TIAM1: variants seen among roughly 807,000 people sequenced by gnomAD.
TIAM1 encodes TIAM Rac1 associated GEF 1.
In TIAM1, 65 loss-of-function variants were observed where a neutral mutation model predicts 163.5. That is an observed-to-expected ratio of 0.40 (90% CI 0.33 to 0.49). The LOEUF (loss-of-function observed/expected upper bound fraction) is 0.49. Among genes scored for constraint, TIAM1 ranks in the 20% least tolerant of loss-of-function variants. The probability of loss-of-function intolerance (pLI) is 0.77; values close to 1 mark genes in which losing one functional copy is unlikely to be tolerated. For missense variants in TIAM1, 1,789 were observed against 2,044.7 expected (o/e 0.87, Z 2.41); for synonymous variants, 833 against 810.1 (o/e 1.03, Z -0.48).
chr21:31,487,772 T>G (rs865821579), intron 1 of TIAM1, among the ~76,000 whole-genome samples: 1 of 151,436 alleles, frequency 6.6e-6, no homozygotes, highest in Admixed American at 6.6e-5. Flanking sequence ...TTAGCCAGGA[T>G]GGTCTCGATC....
At chr21:31,552,017 T>C (rs2048705459) in intron 1 of TIAM1, among the ~76,000 whole-genome samples, 1 of 151,496 alleles carries the variant, frequency 6.6e-6, no homozygotes, top group Admixed American at 6.6e-5. Context: ...CTGAGTCTCT[T>C]AATGCTATAT....
intron 4 of TIAM1, among the ~76,000 whole-genome samples, chr21:31,260,943 C>A (rs1412064979): frequency 6.6e-6 from 1 of 152,064 alleles, no homozygotes; most frequent in Non-Finnish European, 1.5e-5. Context: ...AGTCTGTGAC[C>A]AAAGGTCAAG....
chr21:31,456,861 C>T (rs1233545464), intron 2 of TIAM1, among the ~76,000 whole-genome samples: 1 of 152,192 alleles, frequency 6.6e-6, no homozygotes, highest in Non-Finnish European at 1.5e-5. Flanking sequence ...ATTAACCATT[C>T]CCTGTTTAAA....
intron 1 of TIAM1, among the ~76,000 whole-genome samples, chr21:31,482,971 C>A (rs1049007263): frequency 1.3e-5 from 2 of 152,100 alleles, no homozygotes; most frequent in African/African-American, 2.4e-5. Flanking sequence ...GCCCATTTTA[C>A]AGATGAGGAT....
In TIAM1 at chr21:31,430,221, AAAAAAT is replaced by A. The variant is rs1337236372; in HGVS notation, c.-369+33756_-369+33761del. On this transcript the variant is annotated intron_variant, in intron 2 of 28. Transcript: ENST00000286827. ...AACTCCATCTCAAAGAAAAAAAAAAAAAAAATATATATATATATATATATATACACA... is the reference window on the plus strand; with the variant it reads ...AACTCCATCTCAAAGAAAAAAAAAAAATATATATATATATATATATACACA... 1.7e-3 allele frequency among the ~76,000 whole-genome samples: 177 copies of A among 104,812 alleles called. 2 individuals carry two copies. Among genetic ancestry groups the A allele is most frequent in the African/African-American group, 6.2e-3 (142 of 22,886 alleles). The allele number at this position is 104,812 out of a possible 152,430, so 68.8% of individuals were successfully genotyped here.
At chr21:31,149,930 G>T (rs1319334059) in intron 19 of TIAM1, among the ~76,000 whole-genome samples, 1 of 152,126 alleles carries the variant, frequency 6.6e-6, no homozygotes, top group Non-Finnish European at 1.5e-5. Context: ...ATATATTATT[G>T]TGCCTACAAC....
intron 2 of TIAM1, among the ~76,000 whole-genome samples, chr21:31,373,440 C>A (rs1345658990): frequency 1.3e-5 from 2 of 152,166 alleles, no homozygotes. Flanking sequence ...AAAGGCACTT[C>A]TTTCGTGGTG....
intron 2 of TIAM1, among the ~76,000 whole-genome samples, chr21:31,317,196 T>G (rs552441398): frequency 2.0e-5 from 3 of 152,314 alleles, no homozygotes; most frequent in Non-Finnish European, 2.9e-5. Context: ...GGCTCAAGCC[T>G]GTACTCCCAG....
At chr21:31,259,757 T>C (rs2072347321) in intron 4 of TIAM1, among the ~76,000 whole-genome samples, 1 of 152,040 alleles carries the variant, frequency 6.6e-6, no homozygotes, top group African/African-American at 2.4e-5. Context: ...GCTCCTCCTT[T>C]TCCAACTACC....
At chr21:31,495,004 C>T (rs542403133) in intron 1 of TIAM1, among the ~76,000 whole-genome samples, 142 of 152,228 alleles carry the variant, frequency 9.3e-4, no homozygotes, top group Non-Finnish European at 1.7e-3. Flanking sequence ...AGCAAAGGGA[C>T]GTCATGTTGC....
At chr21:31,291,332 C>CA (rs927010991) in intron 2 of TIAM1, among the ~76,000 whole-genome samples, 7 of 152,102 alleles carry the variant, frequency 4.6e-5, no homozygotes, top group African/African-American at 1.7e-4. Flanking sequence ...ACAACAACAA[C>CA]AAAAAAGCTT....
chr21:31,352,216 G>A (rs1036452447), intron 2 of TIAM1, among the ~76,000 whole-genome samples: 2 of 152,126 alleles, frequency 1.3e-5, no homozygotes, highest in African/African-American at 4.8e-5. Flanking sequence ...ACAAAATGTG[G>A]TATATCTCTG....
chr21:31,558,321 G>GC (rs1279784507), intron 1 of TIAM1, among the ~76,000 whole-genome samples: 3 of 152,220 alleles, frequency 2.0e-5, no homozygotes, highest in African/African-American at 7.2e-5. Flanking sequence ...CGCTTTTAAT[G>GC]CCCCCCTCCG....
chr21:31,213,197 G>C, intron 10 of TIAM1: 2 of 501,646 alleles, frequency 4.0e-6, no homozygotes, highest in Non-Finnish European at 6.9e-6. Flanking sequence ...ATGTCAGCAG[G>C]AGAATGTTCC....
At chr21:31,466,408 A>G (rs1831) in intron 1 of TIAM1, among the ~76,000 whole-genome samples, 106,044 of 151,626 alleles carry the variant, frequency 0.7, 37,744 homozygotes, top group African/African-American at 0.78. Context: ...ATCCAGAATA[A>G]AGGATATCTC....
intron 5 of TIAM1, 131 bp from the exon 6 acceptor site, chr21:31,245,791 G>C (rs1287661135): frequency 1.1e-6 from 1 of 870,824 alleles, no homozygotes; most frequent in East Asian, 3.3e-5. Flanking sequence ...GAAGTAAAGA[G>C]AATGGAGCCA....
At position 31,475,041 on chromosome 21, in the gene TIAM1, T is replaced by C. The variant is rs1316464513; in HGVS notation, c.-421-11006A>G. Among the ~76,000 whole-genome samples the C allele has an allele frequency of 7.6e-5, 5 of 65,474 alleles. No homozygotes were observed. In the Admixed American group the frequency reaches 7.9e-4, roughly 10 times the overall value. The allele number at this position is 65,474 out of a possible 152,430, so 43.0% of individuals were successfully genotyped here. ...AGCTAGTTTTTTATTATTATTATTA[T>C]TATTATTATTATTATTATTATTTAG... On this transcript the variant is annotated intron_variant, in intron 1 of 28. Transcript: ENST00000286827.
chr21:31,543,269 T>C (rs112886791), intron 1 of TIAM1, among the ~76,000 whole-genome samples: 4 of 152,328 alleles, frequency 2.6e-5, no homozygotes, highest in African/African-American at 9.6e-5. Flanking sequence ...CCCTTTTCAC[T>C]TTGGGCTTCT....
chr21:31,444,952 C>A (rs2044562985), intron 2 of TIAM1, among the ~76,000 whole-genome samples: 2 of 151,974 alleles, frequency 1.3e-5, no homozygotes, highest in Non-Finnish European at 2.9e-5. Context: ...GAGCTGAGAT[C>A]ACGCCATTGC....
Sources: allele counts gnomAD v4.1 joint callset (sites outside exome capture counted in the v4.1 genomes callset), GRCh38; gene constraint gnomAD v4.1.1; transcripts MANE v1.5; gene names NCBI Gene and HGNC (gene_info 2026-07-23, HGNC 2026-07-21).